NF2: variants seen among roughly 807,000 people sequenced by gnomAD.
NF2 encodes merlin.
Under a neutral mutation model 83.7 loss-of-function variants are expected in NF2, and 8 were observed. The ratio of observed to expected loss-of-function variants is 0.10; its 90% CI spans 0.06 to 0.17. The LOEUF (loss-of-function observed/expected upper bound fraction) is 0.17, where lower values mean the gene tolerates loss of function less well. Ranked by LOEUF, NF2 falls within the 10% of genes least tolerant of loss-of-function variation. NF2 has a pLI of 1.00. For synonymous variants in NF2, 266 were observed against 269.6 expected (o/e 0.99, Z 0.13); for missense variants, 533 against 744.4 (o/e 0.72, Z 3.31).
At chr22:29,617,570 C>T (rs560496992) in intron 1 of NF2, among the ~76,000 whole-genome samples, 1 of 152,168 alleles carries the variant, frequency 6.6e-6, no homozygotes, top group Non-Finnish European at 1.5e-5. Context: ...CCTCTTTCTC[C>T]CTACCCAACC....
At chr22:29,675,046 G>A in intron 13 of NF2, 105 bp downstream of exon 13, 1 of 905,348 alleles carries the variant, frequency 1.1e-6, no homozygotes, top group African/African-American at 1.6e-5. Flanking sequence ...GACCATTCAG[G>A]CAAACACATG....
At chr22:29,640,560 G>A (rs527412042) in intron 3 of NF2, among the ~76,000 whole-genome samples, 2 of 152,126 alleles carry the variant, frequency 1.3e-5, no homozygotes, top group Non-Finnish European at 2.9e-5. Flanking sequence ...TGCAGTGATT[G>A]GCACTGGGGC....
In NF2 at chr22:29,693,397, C is replaced by G. The variant is rs548950505; in HGVS notation, c.1738-1355C>G. ...GGAACTTCAAGGCCAAAAGATTTGG[C>G]AGGATTTAAAGAGTTGCTCTCAAGC... On this transcript the variant is annotated intron_variant, in intron 15 of 15. Coordinates refer to ENST00000338641, the MANE Select transcript of NF2 (RefSeq NM_000268.4). 1.0e-3 allele frequency among the ~76,000 whole-genome samples: 156 copies of G among 152,364 alleles called. 1 individual carries two copies. The highest frequency in any genetic ancestry group is 3.6e-3 in the African/African-American group (150 of 41,582).
intron 13 of NF2, among the ~76,000 whole-genome samples, chr22:29,676,913 T>G (rs554940394): frequency 4.8e-5 from 6 of 126,036 alleles, no homozygotes; most frequent in Admixed American, 3.1e-4. Context: ...CTGTACAGTT[T>G]GAAGAATTTT....
rs769348972 is a variant in NF2 at position 29,661,249 on chromosome 22, G to T, written c.720G>T (p.Gly240=). The T allele has an allele frequency of 6.2e-6, 10 of 1,614,094 alleles. No homozygotes were observed. The highest frequency in any genetic ancestry group is 5.0e-5 in the Admixed American group (3 of 60,014). Residue 240 remains glycine, a synonymous_variant, in exon 8 of 16, where the codon GGG becomes GGT. Coordinates refer to ENST00000338641, the MANE Select transcript of NF2 (RefSeq NM_000268.4). ...TGCTGCTTGGAGTGGATGCCCTGGG[G>T]CTTCACATTTATGACCCTGAGAACA... ...TELLLGVDAL[G]LHIYDPENRL...
intron 15 of NF2, among the ~76,000 whole-genome samples, chr22:29,687,119 G>A (rs781251057): frequency 1.3e-5 from 2 of 152,216 alleles, no homozygotes; most frequent in African/African-American, 4.8e-5. Context: ...TCAGTCTCCC[G>A]ATCCTGAGCT....
intron 15 of NF2, among the ~76,000 whole-genome samples, chr22:29,687,385 A>G (rs2067296201): frequency 6.6e-6 from 1 of 152,210 alleles, no homozygotes; most frequent in Non-Finnish European, 1.5e-5. Flanking sequence ...TAAAAGTCCA[A>G]TGTCATCTTC....
intron 14 of NF2, 50 bp downstream of exon 14, chr22:29,678,373 T>C: frequency 6.2e-7 from 1 of 1,607,854 alleles, no homozygotes. Context: ...CTAGACTGAG[T>C]GATTGGGGCC....
rs73881597 is a variant in NF2, at chr22:29,694,125, C to T, written c.1738-627C>T. 0.016 allele frequency among the ~76,000 whole-genome samples: 2,433 copies of T among 152,336 alleles called. 68 individuals are homozygous for T. The highest frequency in any genetic ancestry group is 0.049 in the African/African-American group (2,042 of 41,560). ...GTGCCACCTGTGTGCACCAGCCCTCCCTGCCTGCACAAGCCACACTGAGAA... is the reference window on the plus strand; with the variant it reads ...GTGCCACCTGTGTGCACCAGCCCTCTCTGCCTGCACAAGCCACACTGAGAA... On this transcript the variant is annotated intron_variant, in intron 15 of 15. Transcript: ENST00000338641. This position sits in a 1 kb window ranked among gnomAD's most constrained non-coding sequence, Gnocchi z 4.1.
intron 1 of NF2, among the ~76,000 whole-genome samples, chr22:29,621,307 C>T (rs2065212095): frequency 6.6e-6 from 1 of 152,186 alleles, no homozygotes; most frequent in Admixed American, 6.5e-5. Flanking sequence ...CTCCTTAACC[C>T]CCTCACATGC....
intron 1 of NF2, among the ~76,000 whole-genome samples, chr22:29,619,684 C>T (rs903888676): frequency 1.3e-4 from 20 of 151,894 alleles, no homozygotes; most frequent in Non-Finnish European, 1.5e-4. Flanking sequence ...CATGAGCCAC[C>T]GTGCCCGACC....
At chr22:29,653,093 T>A (rs890238002) in intron 4 of NF2, among the ~76,000 whole-genome samples, 9 of 152,158 alleles carry the variant, frequency 5.9e-5, no homozygotes, top group Non-Finnish European at 1.3e-4. Flanking sequence ...CCTATTTTTT[T>A]AAATGAAGAA....
chr22:29,637,866 G>A (rs907464921), intron 2 of NF2, among the ~76,000 whole-genome samples: 3 of 152,192 alleles, frequency 2.0e-5, no homozygotes, highest in East Asian at 1.9e-4. Context: ...TGAGGGTGTC[G>A]TAGACCAGAT....
At chr22:29,692,259 G>A (rs1196143293) in intron 15 of NF2, among the ~76,000 whole-genome samples, 1 of 152,156 alleles carries the variant, frequency 6.6e-6, no homozygotes, top group Non-Finnish European at 1.5e-5. Flanking sequence ...TGGCTGTGGT[G>A]CCTTCCTACT....
intron 15 of NF2, chr22:29,683,721 C>T: frequency 1.9e-6 from 2 of 1,070,374 alleles, no homozygotes; most frequent in Non-Finnish European, 2.3e-6. Context: ...ATAGGCTGAG[C>T]AGAGATGTGG....
Position 29,696,365 on chromosome 22 carries a change from G to A in NF2, c.*1563G>A. 1 of 218,484 alleles carries A rather than the reference G, an allele frequency of 4.6e-6. No homozygotes were observed. Among genetic ancestry groups the A allele is most frequent in the Non-Finnish European group, 9.2e-6 (1 of 108,852 alleles). The allele number at this position is 218,484 out of a possible 1,614,324, so 13.5% of individuals were successfully genotyped here. Reference sequence around the variant, plus strand: ...CTTCTTGCCCTTTCTTTTCTCCATGGCTGATGCTGCTGTGGCCAGCCAGGG... The same window carrying A: ...CTTCTTGCCCTTTCTTTTCTCCATGACTGATGCTGCTGTGGCCAGCCAGGG... On this transcript the variant is annotated 3_prime_UTR_variant, in exon 16 of 16. Coordinates refer to ENST00000338641, the MANE Select transcript of NF2 (RefSeq NM_000268.4).
chr22:29,668,214 A>G (rs1380905151), intron 9 of NF2, 119 bp from the exon 10 acceptor site: 7 of 730,200 alleles, frequency 9.6e-6, no homozygotes, highest in South Asian at 5.9e-5. Context: ...CACTCTATGC[A>G]TTCATCTTCA....
chr22:29,668,336 C>T lies in NF2; in HGVS notation c.889C>T (p.Leu297Phe). The T allele has an allele frequency of 6.2e-7, 1 of 1,612,322 alleles. No individual in the cohort carries two copies. ...SSKLRVNKLI[L>F]QLCIGNHDLF... ...TTGTCTGCTTCTGTGGCCACAGATT[C>T]TCCAGCTATGTATCGGGAACCATGA... The change falls in exon 10 of 16, where the codon CTC becomes TTC. Residue 297 changes from leucine (L) to phenylalanine (F), a missense_variant. Physicochemically the swap from Leu to Phe is conservative, Grantham distance 22 (BLOSUM62 0). This residue lies in a region of NF2 where 326 missense variants were observed against 475.1 expected (regional missense o/e 0.69). Coordinates refer to ENST00000338641, the MANE Select transcript of NF2 (RefSeq NM_000268.4).
At chr22:29,632,313 T>C (rs192389954) in intron 1 of NF2, among the ~76,000 whole-genome samples, 1 of 152,238 alleles carries the variant, frequency 6.6e-6, no homozygotes, top group Admixed American at 6.5e-5. Context: ...GCCTGGAACA[T>C]ACTTACCTGC....
Sources: gnomAD v4.1 joint callset for allele counts (sites outside exome capture counted in the v4.1 genomes callset) on GRCh38, gnomAD v4.1.1 for gene constraint, gnomAD v4.1.1 regional missense constraint, Gnocchi (gnomAD v3.1) non-coding constraint, MANE v1.5 for transcripts, NCBI Gene and HGNC (gene_info 2026-07-23, HGNC 2026-07-21) for gene names.